NUDCD3: variants seen among roughly 807,000 people sequenced by gnomAD.
The protein encoded by NUDCD3 is nudC domain-containing protein 3.
NUDCD3 carries 13 observed loss-of-function variants against 39.7 expected under a neutral mutation model. That is an observed-to-expected ratio of 0.33 (90% CI 0.21 to 0.52). The LOEUF (loss-of-function observed/expected upper bound fraction) is 0.52. NUDCD3 is among the 20% of genes least tolerant of loss of function. NUDCD3 has a pLI of 0.96. For synonymous variants in NUDCD3, 175 were observed against 172.4 expected, an observed-to-expected ratio of 1.02 and a Z score of -0.12; for missense variants, 453 against 458.1, an observed-to-expected ratio of 0.99 and a Z score of 0.10.
chr7:44,439,836 G>C (rs1799541347), intron 2 of NUDCD3, among the ~76,000 whole-genome samples: 1 of 152,130 alleles, frequency 6.6e-6, no homozygotes, highest in African/African-American at 2.4e-5. Flanking sequence ...TAGAAGGAAT[G>C]AGGGAAATAG....
chr7:44,428,788 T>G (rs1368572557), intron 2 of NUDCD3, among the ~76,000 whole-genome samples: 1 of 152,200 alleles, frequency 6.6e-6, no homozygotes, highest in Non-Finnish European at 1.5e-5. Flanking sequence ...TCCATTATAG[T>G]GAACTGAAGA....
intron 5 of NUDCD3, among the ~76,000 whole-genome samples, chr7:44,386,355 C>T (rs550677430): frequency 1.3e-5 from 2 of 152,320 alleles, no homozygotes; most frequent in African/African-American, 4.8e-5. Context: ...GAATTTCTAA[C>T]CCTCCATCTT....
chr7:44,463,936 G>A (rs957227414), intron 2 of NUDCD3, among the ~76,000 whole-genome samples: 5 of 152,082 alleles, frequency 3.3e-5, no homozygotes, highest in African/African-American at 7.2e-5. Context: ...TTTCCTGGCC[G>A]GGCACAGTGG....
At chr7:44,414,670 T>A (rs1048149307) in intron 3 of NUDCD3, among the ~76,000 whole-genome samples, 1 of 152,230 alleles carries the variant, frequency 6.6e-6, no homozygotes. Flanking sequence ...TTTGAACATA[T>A]AAATGTGTTA....
intron 5 of NUDCD3, among the ~76,000 whole-genome samples, chr7:44,386,471 G>A (rs890121155): frequency 1.3e-5 from 2 of 152,198 alleles, no homozygotes; most frequent in East Asian, 3.8e-4. Flanking sequence ...GGTCCCACCA[G>A]GCACTGACTA....
At chr7:44,443,123 C>A (rs1799622925) in intron 2 of NUDCD3, among the ~76,000 whole-genome samples, 2 of 152,138 alleles carry the variant, frequency 1.3e-5, no homozygotes, top group Non-Finnish European at 2.9e-5. Flanking sequence ...ACCAAGAGAA[C>A]CTATATGGCT....
chr7:44,441,816 G>C (rs1432648705), intron 2 of NUDCD3, among the ~76,000 whole-genome samples: 5 of 152,140 alleles, frequency 3.3e-5, no homozygotes, highest in Non-Finnish European at 7.3e-5. Flanking sequence ...CTGGTCAACA[G>C]AGAAGGCCCC....
intron 5 of NUDCD3, 112 bp downstream of exon 5, chr7:44,392,162 AGGCTAGGACATGGCAGGAAGCTG>A (rs1258149036): frequency 1.3e-6 from 1 of 768,326 alleles, no homozygotes; most frequent in Non-Finnish European, 2.1e-6. Flanking sequence ...GTTCCTTGCT[AGGCTAGGACATGGCAGGAAGCTG>A]GTCCACACAA....
Position 44,447,165 on chromosome 7 carries a change from C to T in NUDCD3, c.510-19462G>A, listed in dbSNP as rs535955808. Among the ~76,000 whole-genome samples, 12 of 152,340 alleles carry T rather than the reference C, an allele frequency of 7.9e-5. No homozygotes were observed. The East Asian group carries it at 2.3e-3, about 29-fold the overall frequency. On this transcript the variant is annotated intron_variant, in intron 2 of 5. Transcript: ENST00000355451. ...GACCTGATACCTATCTGTTAACGCA[C>T]TTATTGAAGTCCCATCTCAGCATGG... is the stretch of plus-strand genomic sequence containing the variant.
At chr7:44,396,745 AG>A (rs1424169389) in intron 4 of NUDCD3, among the ~76,000 whole-genome samples, 1 of 152,190 alleles carries the variant, frequency 6.6e-6, no homozygotes, top group African/African-American at 2.4e-5. Context: ...TGCTTCTGGG[AG>A]GCCTCAGATA....
chr7:44,469,193 T>A (rs573675531), intron 2 of NUDCD3, among the ~76,000 whole-genome samples: 49 of 151,152 alleles, frequency 3.2e-4, no homozygotes, highest in Non-Finnish European at 5.3e-4. Flanking sequence ...CCCTTACCTG[T>A]TTCAACCCTA....
intron 2 of NUDCD3, among the ~76,000 whole-genome samples, chr7:44,479,334 C>T (rs1800441935): frequency 1.3e-5 from 2 of 152,258 alleles, no homozygotes; most frequent in South Asian, 4.1e-4. Flanking sequence ...ATAAATTATA[C>T]TTTACTAAAA....
chr7:44,467,929 G>C, intron 2 of NUDCD3: 2 of 1,608,224 alleles, frequency 1.2e-6, no homozygotes, highest in Non-Finnish European at 1.7e-6. Context: ...TGAAGCCCAA[G>C]ATCGTCAAAA....
At chr7:44,400,483 C>A (rs925493930) in intron 4 of NUDCD3, among the ~76,000 whole-genome samples, 2 of 152,206 alleles carry the variant, frequency 1.3e-5, no homozygotes, top group Non-Finnish European at 2.9e-5. Flanking sequence ...CAGCTCTGGA[C>A]GCCATCCCTT....
Position 44,404,587 on chromosome 7 carries a change from G to A in NUDCD3, c.643-4C>T. On this transcript the variant is annotated splice_region_variant and splice_polypyrimidine_tract_variant and intron_variant, in intron 3 of 5. Transcript: ENST00000355451. ...TGCTGCTAAGGGCCACTGAGACCTG[G>A]GGACACAGCAGAAGAAAATCATCTC... The A allele has an allele frequency of 6.2e-7, 1 of 1,613,210 alleles. No homozygotes were observed. Among genetic ancestry groups the A allele is most frequent in the East Asian group, 2.2e-5 (1 of 44,864 alleles).
chr7:44,428,450 A>C (rs1799283650), intron 2 of NUDCD3, among the ~76,000 whole-genome samples: 1 of 152,266 alleles, frequency 6.6e-6, no homozygotes, highest in South Asian at 2.1e-4. Context: ...CTCAAAAAAA[A>C]AAAAGGCAAA....
At chr7:44,437,709 G>A (rs1799493416) in intron 2 of NUDCD3, among the ~76,000 whole-genome samples, 1 of 152,104 alleles carries the variant, frequency 6.6e-6, no homozygotes, top group African/African-American at 2.4e-5. Context: ...TAACTTTGTA[G>A]CTACAGTTAA....
At chr7:44,399,731 G>T (rs1290690695) in intron 4 of NUDCD3, among the ~76,000 whole-genome samples, 1 of 152,200 alleles carries the variant, frequency 6.6e-6, no homozygotes, top group Non-Finnish European at 1.5e-5. Context: ...GAGAACCACA[G>T]CAACAGCTCA....
At chr7:44,464,819 C>A (rs757972577) in intron 2 of NUDCD3, among the ~76,000 whole-genome samples, 2 of 152,118 alleles carry the variant, frequency 1.3e-5, no homozygotes, top group Non-Finnish European at 2.9e-5. Flanking sequence ...TTAGAAGGAG[C>A]GTTATCCCCA....
Sources: gnomAD v4.1 joint callset for allele counts (sites outside exome capture counted in the v4.1 genomes callset) on GRCh38, gnomAD v4.1.1 for gene constraint, MANE v1.5 for transcripts, NCBI Gene and HGNC (gene_info 2026-07-23, HGNC 2026-07-21) for gene names.